Variants in TMCO6 observed in about 807,000 individuals in gnomAD.
The protein encoded by TMCO6 is transmembrane and coiled-coil domains 6, also known as transmembrane and coiled-coil domain-containing protein 6.
A neutral mutation model predicts 61.8 loss-of-function variants in TMCO6; 47 were observed. The observed-to-expected ratio is 0.76, with a 90% confidence interval of 0.60 to 0.97. TMCO6 has a LOEUF of 0.97. TMCO6 is among the 50% of genes least tolerant of loss of function. TMCO6 has a pLI of 0.00. For missense variants in TMCO6, 557 were observed against 601.6 expected, an observed-to-expected ratio of 0.93 and a Z score of 0.78; for synonymous variants, 261 against 254.2, an observed-to-expected ratio of 1.03 and a Z score of -0.25.
At chr5:140,606,996 A>T in the TMCO6 span, among the ~76,000 whole-genome samples, 1 of 134,416 alleles carries the variant, frequency 7.4e-6, no homozygotes, top group Non-Finnish European at 1.6e-5. Flanking sequence ...AAGTAAAAAA[A>T]AAAAATAATA....
chr5:140,619,261 T>C, the TMCO6 span, among the ~76,000 whole-genome samples: 2 of 152,208 alleles, frequency 1.3e-5, no homozygotes, highest in African/African-American at 2.4e-5. Flanking sequence ...AGGAGCACCA[T>C]CATCTTGGAC....
chr5:140,631,765 G>C, the TMCO6 span: 2 of 1,201,408 alleles, frequency 1.7e-6, no homozygotes, highest in Non-Finnish European at 2.4e-6. Flanking sequence ...GTGGGGCAAA[G>C]GGTTGAATTG....
chr5:140,612,920 G>A, the TMCO6 span, among the ~76,000 whole-genome samples: 4 of 152,110 alleles, frequency 2.6e-5, no homozygotes, highest in African/African-American at 7.2e-5. Flanking sequence ...AAGATTTATG[G>A]AACATTTGCC....
chr5:140,605,391 A>G, the TMCO6 span, among the ~76,000 whole-genome samples: 1 of 152,172 alleles, frequency 6.6e-6, no homozygotes, highest in Non-Finnish European at 1.5e-5. Flanking sequence ...TAAAAGTGGC[A>G]TCTTTAGGCC....
chr5:140,633,268 C>T, the TMCO6 span: 13 of 678,842 alleles, frequency 1.9e-5, no homozygotes, highest in East Asian at 3.0e-4. Flanking sequence ...CACCTCTCTT[C>T]CTCCGAGCCA....
chr5:140,631,912 A>G, the TMCO6 span: 8 of 1,599,190 alleles, frequency 5.0e-6, no homozygotes, highest in Non-Finnish European at 6.8e-6. Context: ...ACCCCCACCG[A>G]CAGGGTCGAA....
intron 2 of TMCO6, among the ~76,000 whole-genome samples, chr5:140,640,181 C>T (rs1382285098): frequency 6.6e-6 from 1 of 152,180 alleles, no homozygotes; most frequent in Non-Finnish European, 1.5e-5. Flanking sequence ...ACCGTCACTA[C>T]GTCCTTTAAA....
the TMCO6 span, chr5:140,631,876 C>T: frequency 1.3e-6 from 2 of 1,572,410 alleles, no homozygotes; most frequent in Non-Finnish European, 1.7e-6. Flanking sequence ...CCCCGGGCCC[C>T]TTGGAGCAGC....
rs950452500 is a variant in TMCO6 at position 140,645,380 on chromosome 5, G to C, written c.*282G>C. Reference sequence around the variant, plus strand: ...GCAGCTGGTAGCTTTTGATGAGACAGAATAAAGTTTTATTTTTATATTAAG... The same window carrying C: ...GCAGCTGGTAGCTTTTGATGAGACACAATAAAGTTTTATTTTTATATTAAG... On this transcript the variant is annotated 3_prime_UTR_variant, in exon 12 of 12. Coordinates refer to ENST00000394671, the MANE Select transcript of TMCO6 (RefSeq NM_018502.5). 1 of 795,196 alleles carries C rather than the reference G, an allele frequency of 1.3e-6. No individual in the cohort carries two copies. Among genetic ancestry groups the C allele is most frequent in the Non-Finnish European group, 2.1e-6 (1 of 472,848 alleles). 49.3% of individuals were successfully genotyped at this position (795,196 alleles called of 1,614,324 possible).
chr5:140,632,749 G>T, the TMCO6 span: 9 of 1,613,370 alleles, frequency 5.6e-6, no homozygotes, highest in Non-Finnish European at 7.6e-6. The surrounding 1 kb of genome is among the most constrained non-coding windows in gnomAD (Gnocchi z 6.2). Flanking sequence ...TACTGCCGCG[G>T]GTCGGCGTCC....
the TMCO6 span, among the ~76,000 whole-genome samples, chr5:140,601,420 C>T: frequency 2.0e-5 from 3 of 152,132 alleles, no homozygotes; most frequent in Admixed American, 1.3e-4. Flanking sequence ...TTGAATTCCT[C>T]CAAACAAGGT....
the TMCO6 span, among the ~76,000 whole-genome samples, chr5:140,622,724 C>CAAAAAAAAA: frequency 9.5e-6 from 1 of 105,816 alleles, no homozygotes; most frequent in Non-Finnish European, 2.1e-5. Flanking sequence ...GCTTTAGCTA[C>CAAAAAAAAA]AAAAAAAAAA....
chr5:140,618,883 G>A, the TMCO6 span, among the ~76,000 whole-genome samples: 10 of 152,088 alleles, frequency 6.6e-5, no homozygotes, highest in South Asian at 2.1e-4. Context: ...AGACAATAAC[G>A]CAGGAGAAAA....
rs1757298125 is a variant in TMCO6, at chr5:140,644,817, A to G, written c.1368+77A>G. ...GTGGCTCCCTTCCCATCCAGTCCTA[A>G]CTATAGTTGTTTCTCTGGGCCTGGC... On this transcript the variant is annotated intron_variant, in intron 11 of 11. Transcript: ENST00000394671. The G allele has an allele frequency of 8.3e-6, 13 of 1,572,430 alleles. No individual in the cohort carries two copies. In the Admixed American group the frequency reaches 2.4e-4, roughly 29 times the overall value.
the TMCO6 span, among the ~76,000 whole-genome samples, chr5:140,625,026 G>A: frequency 4.6e-5 from 7 of 151,540 alleles, no homozygotes; most frequent in Non-Finnish European, 7.4e-5. Flanking sequence ...GCTAATTTTC[G>A]TATTTTTAGT....
At chr5:140,644,457 T>C (rs753280) in intron 10 of TMCO6, 116 bp from the exon 11 acceptor site, 518,448 of 1,211,182 alleles carry the variant, frequency 0.43, 112,661 homozygotes, top group African/African-American at 0.47. Context: ...TGAGAACATG[T>C]ATGTAGAAGA....
Position 140,639,616 on chromosome 5 carries a change from T to G in TMCO6, c.85+4T>G. 6.5e-7 allele frequency: 1 copy of G among 1,542,022 alleles called. No homozygotes were observed. Among genetic ancestry groups the G allele is most frequent in the Non-Finnish European group, 8.8e-7 (1 of 1,142,216 alleles). On this transcript the variant is annotated splice_donor_region_variant and intron_variant, in intron 1 of 11. Transcript: ENST00000394671. ...CGCCGGCGGGAGCGGGAGGCAGGTG[T>G]GGGCGGCCGAGGGAGCGCGGGGGTA...
At chr5:140,615,760 TCTTTA>T in the TMCO6 span, among the ~76,000 whole-genome samples, 6 of 152,344 alleles carry the variant, frequency 3.9e-5, no homozygotes, top group Admixed American at 1.3e-4. Flanking sequence ...TGAAGTTGGA[TCTTTA>T]CTTTATACCA....
chr5:140,611,228 G>T, the TMCO6 span, among the ~76,000 whole-genome samples: 2 of 152,122 alleles, frequency 1.3e-5, no homozygotes, highest in African/African-American at 4.8e-5. Context: ...TCTTTGTCTT[G>T]CTTATCTGGG....
Sources: gnomAD v4.1 joint callset for allele counts (sites outside exome capture counted in the v4.1 genomes callset) on GRCh38, gnomAD v4.1.1 for gene constraint, Gnocchi (gnomAD v3.1) non-coding constraint, MANE v1.5 for transcripts, NCBI Gene and HGNC (gene_info 2026-07-23, HGNC 2026-07-21) for gene names.